The following EIF4E3 variants were observed in gnomAD, a reference collection of about 807,000 sequenced individuals.
The protein encoded by EIF4E3 is eukaryotic translation initiation factor 4E family member 3, also known as eukaryotic translation initiation factor 4E type 3.
In EIF4E3, 26 loss-of-function variants were observed where a neutral mutation model predicts 31.7. The ratio of observed to expected loss-of-function variants is 0.82; its 90% CI spans 0.60 to 1.14. EIF4E3 has a LOEUF of 1.14. EIF4E3 is among the 50% of genes most tolerant of loss of function. EIF4E3 has a pLI of 0.00. For synonymous variants in EIF4E3, 128 were observed against 107.7 expected (o/e 1.19, Z -1.17); for missense variants, 304 against 270.9 (o/e 1.12, Z -0.86).
downstream of EIF4E3, among the ~76,000 whole-genome samples, chr3:71,672,707 G>A (rs947929039): frequency 3.3e-5 from 5 of 152,318 alleles, no homozygotes; most frequent in South Asian, 2.1e-4. Context: ...CCAGGTCAGC[G>A]GGCGAAACAG....
At chr3:71,711,118 T>C (rs923634361) in intron 1 of EIF4E3, among the ~76,000 whole-genome samples, 1 of 152,250 alleles carries the variant, frequency 6.6e-6, no homozygotes, top group African/African-American at 2.4e-5. Context: ...TTCCACTAGA[T>C]GGCAACATAC....
At chr3:71,706,576 G>A (rs2049295838) in intron 2 of EIF4E3, among the ~76,000 whole-genome samples, 1 of 152,114 alleles carries the variant, frequency 6.6e-6, no homozygotes, top group South Asian at 2.1e-4. Flanking sequence ...GAGCACTTTG[G>A]GAGGTCAAGG....
rs2108000668 is a variant in EIF4E3, at chr3:71,682,440, A to C, written c.*2242T>G. 1 of 152,340 alleles carries C rather than the reference A, an allele frequency of 6.6e-6. No individual in the cohort carries two copies. The highest frequency in any genetic ancestry group is 2.1e-4 in the South Asian group (1 of 4,828). The allele number at this position is 152,340 out of a possible 1,614,324, so 9.4% of individuals were successfully genotyped here. ...TCTCAAAACAGTATTAGCTTCTTTA[A>C]TCTAAGAAGGTAATGAGAGGTTTTT... On this transcript the variant is annotated 3_prime_UTR_variant, in exon 7 of 7. Coordinates refer to ENST00000425534, the MANE Select transcript of EIF4E3 (RefSeq NM_001134651.2).
chr3:71,754,300 CCGCGGCGGG>C, upstream of EIF4E3: 1 of 1,151,228 alleles, frequency 8.7e-7, no homozygotes, highest in Non-Finnish European at 1.1e-6. The surrounding 1 kb of genome is among the most constrained non-coding windows in gnomAD (Gnocchi z 5.8). Flanking sequence ...CGTGCGGCGG[CCGCGGCGGG>C]GGCGCCGCCG....
chr3:71,682,160 T>G lies in EIF4E3; in HGVS notation c.*2522A>C, dbSNP rs2048931770. On this transcript the variant is annotated 3_prime_UTR_variant, in exon 7 of 7. Coordinates refer to ENST00000425534, the MANE Select transcript of EIF4E3 (RefSeq NM_001134651.2). ...GCCTGTGATATAACAATTTAGGGAA[T>G]AATGGGAGAATAAAAAGCATATTAG... 6.6e-6 allele frequency: 1 copy of G among 152,212 alleles called. No homozygotes were observed. The highest frequency in any genetic ancestry group is 2.1e-4 in the South Asian group (1 of 4,832). The allele number at this position is 152,212 out of a possible 1,614,324, so 9.4% of individuals were successfully genotyped here. A position where few individuals can be genotyped will look rare whatever the true frequency, so the allele number is the denominator to read the frequency against.
chr3:71,703,811 C>CAAAAAAAAAAAAA (rs370789059), intron 2 of EIF4E3, among the ~76,000 whole-genome samples: 2 of 72,426 alleles, frequency 2.8e-5, no homozygotes, highest in Non-Finnish European at 5.3e-5. Flanking sequence ...AAACACACAT[C>CAAAAAAAAAAAAA]AAAAAAAAAA....
At chr3:71,697,262 C>G in intron 3 of EIF4E3, among the ~76,000 whole-genome samples, 1 of 152,128 alleles carries the variant, frequency 6.6e-6, no homozygotes, top group East Asian at 1.9e-4. Flanking sequence ...CTCAAGCAAT[C>G]CTCCCACCTT....
At position 71,695,438 on chromosome 3, in the gene EIF4E3, G is replaced by A. The variant is rs143596928; in HGVS notation, c.405+1022C>T. On this transcript the variant is annotated intron_variant, in intron 4 of 6. Transcript: ENST00000425534. ...GTTGACATCATGATTACTTCTACTA[G>A]AGTTCAAAGTCTAGTAAATAAAGTG... 7.9e-5 allele frequency among the ~76,000 whole-genome samples: 12 copies of A among 152,278 alleles called. No individual in the cohort carries two copies. In the East Asian group the frequency reaches 2.3e-3, roughly 29 times the overall value.
Position 71,676,036 on chromosome 3 carries a change from G to C in EIF4E3, c.*8646C>G, listed in dbSNP as rs2048872834. 6.6e-6 allele frequency: 1 copy of C among 152,154 alleles called. No homozygotes were observed. Among genetic ancestry groups the C allele is most frequent in the East Asian group, 1.9e-4 (1 of 5,196 alleles). 9.4% of individuals were successfully genotyped at this position (152,154 alleles called of 1,614,324 possible). A position where few individuals can be genotyped will look rare whatever the true frequency, so the allele number is the denominator to read the frequency against. On this transcript the variant is annotated 3_prime_UTR_variant, in exon 7 of 7. Coordinates refer to ENST00000425534, the MANE Select transcript of EIF4E3 (RefSeq NM_001134651.2). ...CTAACCTCTATGCTTAGATGGCATGGAACTCCATACATGCTATTGTTATTG... is the reference window on the plus strand; with the variant it reads ...CTAACCTCTATGCTTAGATGGCATGCAACTCCATACATGCTATTGTTATTG...
intron 3 of EIF4E3, among the ~76,000 whole-genome samples, chr3:71,698,958 T>G (rs1042012343): frequency 2.6e-5 from 4 of 152,212 alleles, no homozygotes; most frequent in South Asian, 2.1e-4. Context: ...TGGTGGCTCA[T>G]GCCTGTAATC....
intron 4 of EIF4E3, 30 bp from the exon 5 acceptor site, chr3:71,693,971 C>CAAACA (rs1181865991): frequency 6.5e-7 from 1 of 1,527,500 alleles, no homozygotes; most frequent in Admixed American, 2.2e-5. Context: ...AAAAACAAAA[C>CAAACA]AAACAAAATA....
intron 1 of EIF4E3, among the ~76,000 whole-genome samples, chr3:71,750,387 G>A (rs778780712): frequency 6.6e-6 from 1 of 152,162 alleles, no homozygotes; most frequent in African/African-American, 2.4e-5. Flanking sequence ...CTAGGAGTGG[G>A]AGGACCTGGG....
chr3:71,716,238 C>CT (rs35856264), intron 1 of EIF4E3, among the ~76,000 whole-genome samples: 133 of 147,518 alleles, frequency 9.0e-4, no homozygotes, highest in Middle Eastern at 3.5e-3. Context: ...GCATTTTATC[C>CT]TTTTTTTTTT....
At position 71,684,368 on chromosome 3, in the gene EIF4E3, A is replaced by C; in HGVS notation, c.*314T>G. ...AAGGGGAGTGTAGAAAACAATAATT[A>C]GGCTGAATAAGGAATTTTAAACGGC... On this transcript the variant is annotated 3_prime_UTR_variant, in exon 7 of 7. Coordinates refer to ENST00000425534, the MANE Select transcript of EIF4E3 (RefSeq NM_001134651.2). The C allele has an allele frequency of 3.6e-6, 1 of 274,498 alleles. No individual in the cohort carries two copies. 17.0% of individuals were successfully genotyped at this position (274,498 alleles called of 1,614,324 possible).
downstream of EIF4E3, among the ~76,000 whole-genome samples, chr3:71,674,090 C>CTTTTTTTTTTT (rs71277509): frequency 2.4e-4 from 6 of 25,072 alleles, 2 homozygotes; most frequent in Non-Finnish European, 4.7e-4. Flanking sequence ...ATCAACTGTA[C>CTTTTTTTTTTT]TTTTTTTTTT....
At chr3:71,717,309 T>C (rs1037236154) in intron 1 of EIF4E3, among the ~76,000 whole-genome samples, 7 of 152,178 alleles carry the variant, frequency 4.6e-5, no homozygotes, top group African/African-American at 1.7e-4. Flanking sequence ...TCGTAAGAAA[T>C]GCTAACTTGG....
intron 1 of EIF4E3, chr3:71,753,336 G>C (rs1015481647): frequency 1.3e-5 from 2 of 152,234 alleles, no homozygotes; most frequent in African/African-American, 2.4e-5. Context: ...CCCAGCTTTC[G>C]GGCAGAAGGC....
At chr3:71,744,980 G>A (rs572751111) in intron 1 of EIF4E3, among the ~76,000 whole-genome samples, 3 of 152,024 alleles carry the variant, frequency 2.0e-5, no homozygotes, top group African/African-American at 7.2e-5. Flanking sequence ...ATGAAGGAAG[G>A]GTGGTAGCAG....
At chr3:71,694,962 A>ATAGTTAAAT (rs1165350640) in intron 4 of EIF4E3, among the ~76,000 whole-genome samples, 6 of 152,214 alleles carry the variant, frequency 3.9e-5, no homozygotes, top group Non-Finnish European at 8.8e-5. Flanking sequence ...TATTAACTAT[A>ATAGTTAAAT]ATAATAGTGT....
Sources: allele counts gnomAD v4.1 joint callset (sites outside exome capture counted in the v4.1 genomes callset), GRCh38; gene constraint gnomAD v4.1.1; non-coding constraint Gnocchi (gnomAD v3.1); transcripts MANE v1.5; gene names NCBI Gene and HGNC (gene_info 2026-07-23, HGNC 2026-07-21).